BCKDHB: variants seen among roughly 807,000 people sequenced by gnomAD.
The protein encoded by BCKDHB is 2-oxoisovalerate dehydrogenase subunit beta, mitochondrial.
A neutral mutation model predicts 48.5 loss-of-function variants in BCKDHB; 41 were observed. The observed-to-expected ratio is 0.85, with a 90% confidence interval of 0.66 to 1.10. The LOEUF (loss-of-function observed/expected upper bound fraction) is 1.10. Among genes scored for constraint, BCKDHB ranks in the 50% least tolerant of loss-of-function variants. The pLI, the probability that BCKDHB is intolerant of heterozygous loss-of-function variation, is 0.00. For synonymous variants in BCKDHB, 201 were observed against 174.8 expected, an observed-to-expected ratio of 1.15 and a Z score of -1.18; for missense variants, 496 against 494.2, an observed-to-expected ratio of 1.00 and a Z score of -0.03.
downstream of BCKDHB, among the ~76,000 whole-genome samples, chr6:80,351,236 C>T (rs1360976573): frequency 6.6e-6 from 1 of 152,060 alleles, no homozygotes; most frequent in Non-Finnish European, 1.5e-5. Flanking sequence ...ATTTTTAGGC[C>T]TATAGTCTTC....
At chr6:80,463,690 T>C in the BCKDHB span, among the ~76,000 whole-genome samples, 1 of 152,198 alleles carries the variant, frequency 6.6e-6, no homozygotes, top group Non-Finnish European at 1.5e-5. Context: ...GGTTTGGCTA[T>C]GTTCAAGGCT....
chr6:80,285,602 C>G (rs1468456686), intron 9 of BCKDHB, among the ~76,000 whole-genome samples: 3 of 152,092 alleles, frequency 2.0e-5, no homozygotes, highest in Admixed American at 6.6e-5. Flanking sequence ...AAAAAACAAA[C>G]AAACAAACAA....
At chr6:80,367,653 C>T in the BCKDHB span, among the ~76,000 whole-genome samples, 1 of 152,232 alleles carries the variant, frequency 6.6e-6, no homozygotes, top group Non-Finnish European at 1.5e-5. Context: ...CCAACAAGTT[C>T]TGGTTTGAAC....
downstream of BCKDHB, among the ~76,000 whole-genome samples, chr6:80,346,733 A>T (rs555945688): frequency 3.9e-5 from 6 of 152,342 alleles, no homozygotes; most frequent in Middle Eastern, 3.4e-3. Flanking sequence ...GATGACTCTG[A>T]CAGGAGGAAA....
chr6:80,216,331 T>C lies in BCKDHB; in HGVS notation c.951+13119T>C, dbSNP rs574588798. On this transcript the variant is annotated intron_variant, in intron 8 of 9. Transcript: ENST00000320393. ...AGCTTAGAACATATTTTATCATATGTCAGGAATTTTCTTTCACATTTGCCC... is the reference window on the plus strand; with the variant it reads ...AGCTTAGAACATATTTTATCATATGCCAGGAATTTTCTTTCACATTTGCCC... Among the ~76,000 whole-genome samples the C allele has an allele frequency of 2.0e-5, 3 of 152,318 alleles. No individual in the cohort carries two copies. In the East Asian group the frequency reaches 5.8e-4, roughly 29 times the overall value.
chr6:80,146,104 G>T (rs985011394), intron 3 of BCKDHB, among the ~76,000 whole-genome samples: 4 of 152,128 alleles, frequency 2.6e-5, no homozygotes, highest in Non-Finnish European at 5.9e-5. Flanking sequence ...TCACCCCAGA[G>T]ATTAGGAGTT....
At chr6:80,346,637 T>C (rs919943035), downstream of BCKDHB, among the ~76,000 whole-genome samples, 1 of 152,216 alleles carries the variant, frequency 6.6e-6, no homozygotes, top group East Asian at 1.9e-4. Context: ...AGCTGTAGTG[T>C]TTGTCGTGAT....
chr6:80,358,595 A>G, the BCKDHB span, among the ~76,000 whole-genome samples: 1 of 152,380 alleles, frequency 6.6e-6, no homozygotes, highest in East Asian at 1.9e-4. Context: ...CCTCCAAAAC[A>G]TTACGCCAAG....
At chr6:80,431,615 C>G in the BCKDHB span, among the ~76,000 whole-genome samples, 2 of 152,126 alleles carry the variant, frequency 1.3e-5, no homozygotes, top group African/African-American at 4.8e-5. Flanking sequence ...GGTTTAAAGT[C>G]TGTTTCATCA....
At chr6:80,367,296 A>G in the BCKDHB span, among the ~76,000 whole-genome samples, 63 of 152,202 alleles carry the variant, frequency 4.1e-4, 1 homozygote, top group South Asian at 0.013. Flanking sequence ...ATTAGAATAA[A>G]TTTTACCACT....
chr6:80,397,774 G>A, the BCKDHB span, among the ~76,000 whole-genome samples: 2 of 152,080 alleles, frequency 1.3e-5, no homozygotes, highest in Non-Finnish European at 2.9e-5. Context: ...CAGTTACTCA[G>A]GAGGCTGAGG....
downstream of BCKDHB, among the ~76,000 whole-genome samples, chr6:80,347,788 C>T (rs1005377315): frequency 3.3e-5 from 5 of 152,130 alleles, no homozygotes; most frequent in South Asian, 2.1e-4. Context: ...ACAGTTAACA[C>T]TAAACTCAAT....
the BCKDHB span, among the ~76,000 whole-genome samples, chr6:80,403,971 T>C: frequency 6.6e-5 from 10 of 152,052 alleles, no homozygotes; most frequent in Middle Eastern, 3.4e-3. Flanking sequence ...CTACTGAATT[T>C]GGTTTGTCAG....
intron 3 of BCKDHB, among the ~76,000 whole-genome samples, chr6:80,162,824 C>T (rs769408455): frequency 2.6e-5 from 4 of 152,056 alleles, no homozygotes; most frequent in Admixed American, 6.6e-5. Flanking sequence ...GCATTCCAGC[C>T]GGGTGACAGA....
At chr6:80,208,197 G>A (rs1328811999) in intron 8 of BCKDHB, among the ~76,000 whole-genome samples, 1 of 151,636 alleles carries the variant, frequency 6.6e-6, no homozygotes, top group Non-Finnish European at 1.5e-5. Context: ...GAAAAGCCTC[G>A]ACTTCCTACA....
chr6:80,422,108 A>G, the BCKDHB span, among the ~76,000 whole-genome samples: 1 of 152,166 alleles, frequency 6.6e-6, no homozygotes, highest in African/African-American at 2.4e-5. Flanking sequence ...GGCTGGGCCC[A>G]GGACCCCACT....
intron 1 of BCKDHB, among the ~76,000 whole-genome samples, chr6:80,115,952 A>G (rs1466507588): frequency 6.6e-6 from 1 of 152,184 alleles, no homozygotes; most frequent in African/African-American, 2.4e-5. Flanking sequence ...GTCTATATCA[A>G]TAACTAGGCA....
chr6:80,226,758 G>A (rs953679133), intron 8 of BCKDHB, among the ~76,000 whole-genome samples: 1 of 152,138 alleles, frequency 6.6e-6, no homozygotes, highest in Admixed American at 6.5e-5. Context: ...TGCCTTCAGC[G>A]TTTTTGAGGA....
chr6:80,150,550 C>CTTTTTTT (rs758701261), intron 3 of BCKDHB, among the ~76,000 whole-genome samples: 9 of 105,472 alleles, frequency 8.5e-5, no homozygotes, highest in East Asian at 3.0e-4. Flanking sequence ...AGTTTGTCAT[C>CTTTTTTT]TTTTTTTTTT....
Sources: gnomAD v4.1 joint callset for allele counts (sites outside exome capture counted in the v4.1 genomes callset) on GRCh38, gnomAD v4.1.1 for gene constraint, MANE v1.5 for transcripts, NCBI Gene and HGNC (gene_info 2026-07-23, HGNC 2026-07-21) for gene names.